Variants in ITIH2 observed in about 807,000 individuals in gnomAD.
ITIH2 encodes inter-alpha-trypsin inhibitor heavy chain H2.
ITIH2 carries 103 observed loss-of-function variants against 104.4 expected under a neutral mutation model. The observed-to-expected ratio is 0.99, with a 90% CI of 0.84 to 1.16. The LOEUF is 1.16. Among genes scored for constraint, ITIH2 ranks in the 50% most tolerant of loss-of-function variants. ITIH2 has a pLI of 0.00. For missense variants in ITIH2, 1,108 were observed against 1,162.4 expected (o/e 0.95, Z 0.68); for synonymous variants, 436 against 435.4 (o/e 1.00, Z -0.02).
In ITIH2 at chr10:7,727,790, C is replaced by G. The variant is rs751151848; in HGVS notation, c.1241C>G (p.Ser414Trp). ...NLGLLDPNSV[S>W]LIILVSDGDP... ...GGACTGTTAGACCCCAACTCCGTCT[C>G]GCTGATCATTTTGGTTTCTGATGGA... Residue 414 changes from serine to tryptophan, a missense_variant, in exon 11 of 21, where the codon TCG becomes TGG. Ser to Trp is a radical substitution (Grantham distance 177, BLOSUM62 -3). Transcript: ENST00000358415. 1.2e-6 allele frequency: 2 copies of G among 1,614,148 alleles called. No homozygotes were observed. The highest frequency in any genetic ancestry group is 1.7e-6 in the Non-Finnish European group (2 of 1,179,982).
chr10:7,720,947 C>A lies in ITIH2; in HGVS notation c.722C>A (p.Ser241Tyr). 1 of 1,610,434 alleles carries A rather than the reference C, an allele frequency of 6.2e-7. No individual in the cohort carries two copies. ...CATTTCGATGGTGTTCCGGTCATTT[C>A]TAAAGGACAACAGAAGGTACCCTGA... ...EGHFDGVPVI[S>Y]KGQQKAHVSF... The change falls in exon 7 of 21, where the codon TCT becomes TAT. Residue 241 changes from serine to tyrosine, a missense_variant. Ser to Tyr is a moderately radical substitution (Grantham distance 144). Coordinates refer to ENST00000358415, the MANE Select transcript of ITIH2 (RefSeq NM_002216.3).
rs1251451437 is a variant in ITIH2, at chr10:7,703,790, A to AATTGGC, written c.84+277_84+278insCATTGG. Among the ~76,000 whole-genome samples the AATTGGC allele has an allele frequency of 9.2e-5, 14 of 152,304 alleles. No individual in the cohort carries two copies. In the East Asian group the frequency reaches 2.7e-3, roughly 29 times the overall value. ...AGAGCTGCTCACTCCTCACCTAAAAAATTGGGGGTAAGAATAGACCTAACC... is the reference window on the plus strand; with the variant it reads ...AGAGCTGCTCACTCCTCACCTAAAAAATTGGCATTGGGGGTAAGAATAGACCTAACC... On this transcript the variant is annotated intron_variant, in intron 1 of 20. Coordinates refer to ENST00000358415, the MANE Select transcript of ITIH2 (RefSeq NM_002216.3).
In ITIH2 at chr10:7,730,011, T is replaced by G; in HGVS notation, c.1339T>G (p.Ser447Ala). 6.2e-7 allele frequency: 1 copy of G among 1,613,396 alleles called. No individual in the cohort carries two copies. The highest frequency in any genetic ancestry group is 8.5e-7 in the Non-Finnish European group (1 of 1,179,550). ...TAAGGAGAACATCCAAGACAATATC[T>G]CCTTGTTCAGTTTGGGCATGGGATT... ...NVKENIQDNI[S>A]LFSLGMGFDV... Residue 447 changes from serine (S) to alanine (A), a missense_variant, in exon 12 of 21, where the codon TCC (serine) becomes GCC (alanine). By Grantham distance (99) the Ser-to-Ala change is moderately conservative (BLOSUM62 1). Coordinates refer to ENST00000358415, the MANE Select transcript of ITIH2 (RefSeq NM_002216.3).
intron 9 of ITIH2, among the ~76,000 whole-genome samples, chr10:7,724,514 G>A (rs1405378868): frequency 7.2e-6 from 1 of 138,870 alleles, no homozygotes; most frequent in Non-Finnish European, 1.5e-5. Context: ...GAGTTGCAGC[G>A]AGCAGAGATC....
rs769398070 is a variant in ITIH2, at chr10:7,735,003, T to C, written c.1869T>C (p.Thr623=). The change falls in exon 15 of 21, where the codon ACT becomes ACC. Residue 623 remains threonine, a synonymous_variant. Transcript: ENST00000358415. ...LQMSLDHHIV[T]PLTSLVIENE... ...TGTCTCTAGACCACCACATTGTGACTCCGCTGACCTCGCTGGTGATCGAGA... is the reference window on the plus strand; with the variant it reads ...TGTCTCTAGACCACCACATTGTGACCCCGCTGACCTCGCTGGTGATCGAGA... 1 of 1,613,862 alleles carries C rather than the reference T, an allele frequency of 6.2e-7. No homozygotes were observed. Among genetic ancestry groups the C allele is most frequent in the East Asian group, 2.2e-5 (1 of 44,876 alleles).
chr10:7,739,115 A>T (rs1186051987), intron 16 of ITIH2, among the ~76,000 whole-genome samples: 2 of 151,970 alleles, frequency 1.3e-5, no homozygotes, highest in African/African-American at 4.8e-5. Flanking sequence ...TCCGTTGTCA[A>T]TTTCTTTGCC....
intron 16 of ITIH2, among the ~76,000 whole-genome samples, chr10:7,740,068 C>A (rs994222355): frequency 6.6e-6 from 1 of 152,098 alleles, no homozygotes; most frequent in Non-Finnish European, 1.5e-5. Context: ...TGCCTGTAAT[C>A]CCAGCTACTC....
At chr10:7,733,979 A>G (rs1237680644) in intron 14 of ITIH2, among the ~76,000 whole-genome samples, 1 of 151,950 alleles carries the variant, frequency 6.6e-6, no homozygotes, top group Non-Finnish European at 1.5e-5. Context: ...ACAGGTATAT[A>G]GCAAATTGTT....
intron 6 of ITIH2, 93 bp downstream of exon 6, chr10:7,717,881 T>A: frequency 7.9e-7 from 1 of 1,273,588 alleles, no homozygotes; most frequent in Non-Finnish European, 1.1e-6. Flanking sequence ...GCACTTGTGG[T>A]GTTGGATGCC....
intron 11 of ITIH2, among the ~76,000 whole-genome samples, chr10:7,728,991 T>C (rs4259741): frequency 0.013 from 1,995 of 152,258 alleles, 40 homozygotes; most frequent in African/African-American, 0.046. Context: ...TTGAATGAAA[T>C]CATAAGGTGG....
intron 7 of ITIH2, 102 bp from the exon 8 acceptor site, chr10:7,721,547 G>A (rs1834902666): frequency 3.8e-6 from 4 of 1,047,838 alleles, no homozygotes; most frequent in Admixed American, 2.3e-5. Flanking sequence ...GATTCAGAAC[G>A]TCCATTGGGC....
At chr10:7,727,961 G>C in intron 11 of ITIH2, 133 bp downstream of exon 11, 1 of 1,054,154 alleles carries the variant, frequency 9.5e-7, no homozygotes, top group Non-Finnish European at 1.4e-6. Flanking sequence ...GCTTCCTAAA[G>C]GAGGTCTTCT....
chr10:7,731,809 A>G lies in ITIH2; in HGVS notation c.1462-2A>G. On this transcript the variant is annotated splice_acceptor_variant, in intron 12 of 20. Transcript: ENST00000358415. LOFTEE classifies it high-confidence loss of function. ...TTCTCTCTCTCTCTCTGTGAATTGT[A>G]GAAATTCTACAACCAGGTCTCCACT... 6.3e-7 allele frequency: 1 copy of G among 1,590,680 alleles called. No homozygotes were observed. The highest frequency in any genetic ancestry group is 1.1e-5 in the South Asian group (1 of 88,088).
At chr10:7,730,635 C>T (rs891044694) in intron 12 of ITIH2, among the ~76,000 whole-genome samples, 18 of 152,204 alleles carry the variant, frequency 1.2e-4, no homozygotes, top group South Asian at 1.0e-3. Flanking sequence ...GCTTGGGCAA[C>T]ATAGTGAGAT....
At position 7,743,169 on chromosome 10, in the gene ITIH2, AT is replaced by A. The variant is rs1255526209; in HGVS notation, c.2122del (p.Tyr708IlefsTer32). ...MRVENDPHFI[I>X]YLPKSQKNIC... is the part of the protein sequence containing the mutation. The stretch of plus-strand genomic sequence containing the variant: ...AGTTGAAAATGACCCACATTTCATC[AT>A]TTATCTACCAAAAAGCCAAAAGAAC... On this transcript the variant is annotated frameshift_variant, in exon 17 of 21. Coordinates refer to ENST00000358415, the MANE Select transcript of ITIH2 (RefSeq NM_002216.3). LOFTEE classifies it high-confidence loss of function. 1.3e-6 allele frequency: 2 copies of A among 1,569,148 alleles called. No homozygotes were observed. Among genetic ancestry groups the A allele is most frequent in the East Asian group, 4.6e-5 (2 of 43,702 alleles).
At chr10:7,716,941 C>T (rs960551903) in intron 5 of ITIH2, among the ~76,000 whole-genome samples, 3 of 144,406 alleles carry the variant, frequency 2.1e-5, no homozygotes, top group African/African-American at 7.7e-5. Context: ...AGGTCCTCTA[C>T]AAGCCTATTT....
At chr10:7,713,116 T>G in intron 4 of ITIH2, 65 bp from the exon 5 acceptor site, 2 of 1,276,276 alleles carry the variant, frequency 1.6e-6, no homozygotes, top group Non-Finnish European at 2.3e-6. Flanking sequence ...CAAGACTCCA[T>G]CTCGAGGGGA....
intron 4 of ITIH2, among the ~76,000 whole-genome samples, chr10:7,711,110 A>C (rs1926938): frequency 0.78 from 117,790 of 151,902 alleles, 45,773 homozygotes; most frequent in Admixed American, 0.84. Flanking sequence ...GCCCGACAGG[A>C]CACGGTGTGT....
Position 7,738,842 on chromosome 10 carries a change from G to T in ITIH2, c.2095+84G>T, listed in dbSNP as rs1588460718. On this transcript the variant is annotated intron_variant, in intron 16 of 20. Coordinates refer to ENST00000358415, the MANE Select transcript of ITIH2 (RefSeq NM_002216.3). Reference sequence around the variant, plus strand: ...CATTGTGTGCATGAGGCCAGGTGCAGCGGCTCACGCCTGTAATCGCAGCAC... The same window carrying T: ...CATTGTGTGCATGAGGCCAGGTGCATCGGCTCACGCCTGTAATCGCAGCAC... 8.6e-6 allele frequency: 12 copies of T among 1,398,288 alleles called. No homozygotes were observed. The East Asian group carries it at 3.1e-4, about 37-fold the overall frequency. 86.6% of individuals were successfully genotyped at this position (1,398,288 alleles called of 1,614,324 possible). A position where few individuals can be genotyped will look rare whatever the true frequency, so the allele number is the denominator to read the frequency against.
Sources: allele counts gnomAD v4.1 joint callset (sites outside exome capture counted in the v4.1 genomes callset), GRCh38; gene constraint gnomAD v4.1.1; transcripts MANE v1.5; gene names NCBI Gene and HGNC (gene_info 2026-07-23, HGNC 2026-07-21).